The following ALDH1A2 variants were observed in gnomAD, a reference collection of about 807,000 sequenced individuals.
ALDH1A2 encodes the protein retinal dehydrogenase 2.
ALDH1A2 carries 27 observed loss-of-function variants against 60.3 expected under a neutral mutation model. The observed-to-expected ratio is 0.45, with a 90% CI of 0.33 to 0.62. The LOEUF (loss-of-function observed/expected upper bound fraction) is 0.62, where lower values mean the gene tolerates loss of function less well. Among genes scored for constraint, ALDH1A2 ranks in the 20% least tolerant of loss-of-function variants. ALDH1A2 has a pLI of 0.02. For synonymous variants in ALDH1A2, 289 were observed against 232.4 expected, an observed-to-expected ratio of 1.24 and a Z score of -2.21; for missense variants, 581 against 643.8, an observed-to-expected ratio of 0.90 and a Z score of 1.06.
At chr15:58,032,857 T>A (rs1415429680) in intron 1 of ALDH1A2, among the ~76,000 whole-genome samples, 2 of 151,492 alleles carry the variant, frequency 1.3e-5, no homozygotes, top group African/African-American at 4.9e-5. Flanking sequence ...AGAAAAGAAA[T>A]GAATCATGTC....
chr15:58,065,491 C>T, intron 1 of ALDH1A2, 43 bp downstream of exon 1: 2 of 1,515,538 alleles, frequency 1.3e-6, no homozygotes, highest in Non-Finnish European at 1.8e-6. Context: ...GAAGAAGGTT[C>T]TAGAAAGTCT....
At chr15:58,034,218 T>C (rs1896319410) in intron 1 of ALDH1A2, among the ~76,000 whole-genome samples, 1 of 151,698 alleles carries the variant, frequency 6.6e-6, no homozygotes, top group South Asian at 2.1e-4. Flanking sequence ...TTCCTAAGCA[T>C]TTCAGTGGTA....
rs1895609417 is a variant in ALDH1A2, at chr15:58,010,753, T to C, written c.389A>G (p.Lys130Arg). ...CACATAAAAAGCTTGCAGGAATGGT[T>C]TGCCACCATTTAGGGATTCCATGGT... is the stretch of plus-strand genomic sequence containing the variant. ...LATMESLNGG[K>R]PFLQAFYVDL... is the part of the protein sequence containing the mutation. Residue 130 changes from lysine to arginine, a missense_variant, in exon 4 of 13, where the codon AAA becomes AGA. Physicochemically the swap from Lys to Arg is conservative, Grantham distance 26 (BLOSUM62 2). Around this residue, in one of 2 missense-constraint regions of ALDH1A2, gnomAD observed 206 missense variants for 174.1 expected, o/e 1.18. Transcript: ENST00000249750. 1 of 1,613,418 alleles carries C rather than the reference T, an allele frequency of 6.2e-7. No homozygotes were observed. The highest frequency in any genetic ancestry group is 8.5e-7 in the Non-Finnish European group (1 of 1,179,480).
Position 58,013,980 on chromosome 15 carries a change from C to G in ALDH1A2, c.241G>C (p.Val81Leu). Residue 81 changes from valine (V) to leucine (L), a missense_variant, in exon 3 of 13, where the codon GTG becomes CTG. This residue lies in a region of ALDH1A2 where 206 missense variants were observed against 174.1 expected (regional missense o/e 1.18). Transcript: ENST00000249750. ...EADKADIDKA[V>L]QAARLAFSLG... ...GAGAAAGCCAGGCGGGCTGCCTGCACTGCTTTGTCTATATCTGCCTGTTAG... is the reference window on the plus strand; with the variant it reads ...GAGAAAGCCAGGCGGGCTGCCTGCAGTGCTTTGTCTATATCTGCCTGTTAG... 2 of 1,614,122 alleles carry G rather than the reference C, an allele frequency of 1.2e-6. No individual in the cohort carries two copies. The highest frequency in any genetic ancestry group is 1.7e-6 in the Non-Finnish European group (2 of 1,180,000).
intron 1 of ALDH1A2, chr15:58,036,588 A>G (rs1388916409): frequency 1.3e-5 from 2 of 151,626 alleles, no homozygotes; most frequent in Non-Finnish European, 1.5e-5. Flanking sequence ...AAGGAAAAGA[A>G]TACCTGAGCA....
chr15:58,060,734 T>G (rs1897014141), intron 1 of ALDH1A2, among the ~76,000 whole-genome samples: 1 of 152,158 alleles, frequency 6.6e-6, no homozygotes, highest in African/African-American at 2.4e-5. Flanking sequence ...ATTGAATGAG[T>G]GCAGTTGTGT....
chr15:58,061,622 A>AAAAAAAAAAAAAAG (rs1897040895), intron 1 of ALDH1A2, among the ~76,000 whole-genome samples: 1 of 150,332 alleles, frequency 6.7e-6, no homozygotes, highest in Non-Finnish European at 1.5e-5. Flanking sequence ...AAAAAAAAAA[A>AAAAAAAAAAAAAAG]AAAACGGAAC....
intron 1 of ALDH1A2, among the ~76,000 whole-genome samples, chr15:58,060,433 T>C (rs1404872690): frequency 4.0e-5 from 6 of 151,318 alleles, no homozygotes; most frequent in Non-Finnish European, 8.8e-5. Context: ...TGAAAGTCAG[T>C]GAAGAAACTC....
At chr15:58,064,730 AT>A (rs1350285663) in intron 1 of ALDH1A2, among the ~76,000 whole-genome samples, 5 of 151,824 alleles carry the variant, frequency 3.3e-5, no homozygotes, top group Non-Finnish European at 7.4e-5. Flanking sequence ...GTAATCGATC[AT>A]TTTTTTTCTA....
chr15:58,012,586 C>G (rs568427943), intron 3 of ALDH1A2, among the ~76,000 whole-genome samples: 5 of 152,262 alleles, frequency 3.3e-5, no homozygotes, highest in Non-Finnish European at 7.4e-5. Context: ...CCATGAAACA[C>G]CTTTTTCACA....
chr15:58,056,551 A>G (rs1173657320), intron 1 of ALDH1A2, among the ~76,000 whole-genome samples: 2 of 152,168 alleles, frequency 1.3e-5, no homozygotes, highest in East Asian at 3.9e-4. Context: ...AGGACTCTAA[A>G]GGAAAAATCC....
intron 8 of ALDH1A2, 54 bp downstream of exon 8, chr15:57,965,671 G>T: frequency 7.8e-7 from 1 of 1,277,294 alleles, no homozygotes; most frequent in South Asian, 1.2e-5. Flanking sequence ...AGATATAAAA[G>T]AGAGCACCAA....
chr15:57,957,291 A>T (rs1472960638), intron 12 of ALDH1A2, among the ~76,000 whole-genome samples: 2 of 152,124 alleles, frequency 1.3e-5, no homozygotes, highest in African/African-American at 4.8e-5. Context: ...CATAAGTATC[A>T]CCCAAAGAGC....
rs370671878 is a variant in ALDH1A2, at chr15:58,014,158, T to A, written c.222+19A>T. On this transcript the variant is annotated intron_variant, in intron 2 of 12. Coordinates refer to ENST00000249750, the MANE Select transcript of ALDH1A2 (RefSeq NM_003888.4). ...AGGCAGTTATTTCATAGGAAATCTT[T>A]TATCTACAAAAGACATACCTTGTCT... 3.1e-6 allele frequency: 5 copies of A among 1,614,070 alleles called. No individual in the cohort carries two copies. The highest frequency in any genetic ancestry group is 4.2e-6 in the Non-Finnish European group (5 of 1,180,012).
chr15:58,004,975 G>A (rs1022411570), intron 4 of ALDH1A2, among the ~76,000 whole-genome samples: 9 of 151,510 alleles, frequency 5.9e-5, no homozygotes, highest in African/African-American at 2.2e-4. Flanking sequence ...ATACAGATTT[G>A]ATGCAATTCC....
intron 1 of ALDH1A2, among the ~76,000 whole-genome samples, chr15:58,020,556 T>C (rs1436842202): frequency 6.6e-6 from 1 of 152,170 alleles, no homozygotes; most frequent in Non-Finnish European, 1.5e-5. Flanking sequence ...AAATATACCA[T>C]GAACACATCA....
chr15:58,015,438 G>A (rs1425075617), intron 1 of ALDH1A2, among the ~76,000 whole-genome samples: 1 of 152,076 alleles, frequency 6.6e-6, no homozygotes, highest in African/African-American at 2.4e-5. Flanking sequence ...TAAGATAAAG[G>A]AAAATACCTT....
chr15:58,043,159 TGAAG>T (rs1432630987), intron 1 of ALDH1A2, among the ~76,000 whole-genome samples: 1 of 151,950 alleles, frequency 6.6e-6, no homozygotes, highest in Non-Finnish European at 1.5e-5. Flanking sequence ...ACCTGGTGAC[TGAAG>T]GAAGGCTAAC....
intron 1 of ALDH1A2, among the ~76,000 whole-genome samples, chr15:58,029,910 A>C (rs2140538571): frequency 6.6e-6 from 1 of 152,318 alleles, no homozygotes; most frequent in African/African-American, 2.4e-5. Context: ...CCAACCAAAA[A>C]GTCCAGGACC....
Sources: allele counts gnomAD v4.1 joint callset (sites outside exome capture counted in the v4.1 genomes callset), GRCh38; gene constraint gnomAD v4.1.1; regional missense constraint gnomAD v4.1.1; transcripts MANE v1.5; gene names NCBI Gene and HGNC (gene_info 2026-07-23, HGNC 2026-07-21).